A2ML1: variants seen among roughly 807,000 people sequenced by gnomAD.
The protein encoded by A2ML1 is alpha-2-macroglobulin-like protein 1.
A neutral mutation model predicts 181.9 loss-of-function variants in A2ML1; 161 were observed. The observed-to-expected ratio is 0.89, with a 90% CI of 0.78 to 1.01. The LOEUF is 1.01. Among genes scored for constraint, A2ML1 ranks in the 50% least tolerant of loss-of-function variants. The probability of loss-of-function intolerance (pLI) is 0.00; values close to 1 mark genes in which losing one functional copy is unlikely to be tolerated. For synonymous variants in A2ML1, 663 were observed against 666.8 expected (o/e 0.99, Z 0.09); for missense variants, 1,670 against 1,768.1 (o/e 0.94, Z 1.00).
intron 10 of A2ML1, among the ~76,000 whole-genome samples, chr12:8,839,961 G>A (rs1382800595): frequency 6.6e-6 from 1 of 152,038 alleles, no homozygotes; most frequent in Non-Finnish European, 1.5e-5. Flanking sequence ...TGGTCAGGCT[G>A]GTCTTGAACT....
intron 29 of A2ML1, among the ~76,000 whole-genome samples, 186 bp downstream of exon 29, chr12:8,864,194 A>C (rs1439851881): frequency 8.1e-5 from 2 of 24,662 alleles, no homozygotes; most frequent in African/African-American, 1.2e-4. Flanking sequence ...AGATGTATTT[A>C]ATTTTCTTTT....
chr12:8,841,495 T>C lies in A2ML1; in HGVS notation c.1207T>C (p.Leu403=), dbSNP rs760144786. The change falls in exon 11 of 36, where the codon TTG becomes CTG. Residue 403 remains leucine (L), a synonymous_variant. Transcript: ENST00000299698. The part of the protein sequence containing the change: ...TDNNGLAPFT[L]ETSGWNGTDV... ...TAACAATGGCCTAGCTCCCTTTACC[T>C]TGGAGACATCCGGTTGGAATGGGAC... is the stretch of plus-strand genomic sequence containing the variant. The C allele has an allele frequency of 1.9e-6, 3 of 1,614,122 alleles. No individual in the cohort carries two copies. The South Asian group carries it at 3.3e-5, about 18-fold the overall frequency.
chr12:8,860,873 G>GC lies in A2ML1; in HGVS notation c.3265-6dup. ...GCCCTGACTCACTGCCTCCCTGTTTGCCTCTAGGGTGGTGTTGATGATGAG... is the reference window on the plus strand; with the variant it reads ...GCCCTGACTCACTGCCTCCCTGTTTGCCCTCTAGGGTGGTGTTGATGATGAG... On this transcript the variant is annotated splice_polypyrimidine_tract_variant and splice_region_variant and intron_variant, in intron 26 of 35. Coordinates refer to ENST00000299698, the MANE Select transcript of A2ML1 (RefSeq NM_144670.6). 6.2e-7 allele frequency: 1 copy of GC among 1,613,966 alleles called. No individual in the cohort carries two copies. Among genetic ancestry groups the GC allele is most frequent in the Non-Finnish European group, 8.5e-7 (1 of 1,179,966 alleles).
At chr12:8,863,271 T>G (rs1018504266) in intron 28 of A2ML1, among the ~76,000 whole-genome samples, 14 of 152,006 alleles carry the variant, frequency 9.2e-5, no homozygotes, top group African/African-American at 3.4e-4. Flanking sequence ...CACGCCTGGC[T>G]AATTTTGTAT....
chr12:8,855,052 G>A (rs764343487), intron 22 of A2ML1, among the ~76,000 whole-genome samples: 37 of 152,158 alleles, frequency 2.4e-4, no homozygotes, highest in African/African-American at 8.9e-4. Flanking sequence ...ATGCCACCAT[G>A]CCTGGCTAAT....
At chr12:8,829,813 G>T in intron 4 of A2ML1, 34 bp downstream of exon 4, 1 of 1,613,084 alleles carries the variant, frequency 6.2e-7, no homozygotes, top group Non-Finnish European at 8.5e-7. Context: ...GTGGCGCAGG[G>T]AGAACAGGGA....
chr12:8,836,480 C>T (rs1288981440), intron 7 of A2ML1, 141 bp downstream of exon 7: 5 of 528,454 alleles, frequency 9.5e-6, no homozygotes, highest in Non-Finnish European at 1.6e-5. Context: ...TTATCCAAGA[C>T]CTTTTTTTTT....
At chr12:8,858,142 C>G (rs375930372) in intron 26 of A2ML1, 40 bp downstream of exon 26, 4 of 1,597,918 alleles carry the variant, frequency 2.5e-6, no homozygotes, top group Non-Finnish European at 3.4e-6. Context: ...ACCACTGTCT[C>G]GAAGGACCCC....
Position 8,869,169 on chromosome 12 carries a change from T to G in A2ML1, c.4187T>G (p.Phe1396Cys), listed in dbSNP as rs781733365. The G allele has an allele frequency of 6.2e-7, 1 of 1,614,114 alleles. No homozygotes were observed. Among genetic ancestry groups the G allele is most frequent in the Non-Finnish European group, 8.5e-7 (1 of 1,180,034 alleles). Residue 1396 changes from phenylalanine to cysteine, a missense_variant, in exon 33 of 36, where the codon TTT becomes TGT. Physicochemically the swap from Phe to Cys is radical, Grantham distance 205. Coordinates refer to ENST00000299698, the MANE Select transcript of A2ML1 (RefSeq NM_144670.6). The part of the protein sequence containing the change: ...LQQPLVKKVE[F>C]GTDTLNIYLD... ...CAACCCCTGGTGAAGAAGGTTGAATTTGGAACTGACACACTTAACATTTAC... is the reference window on the plus strand; with the variant it reads ...CAACCCCTGGTGAAGAAGGTTGAATGTGGAACTGACACACTTAACATTTAC...
At chr12:8,844,473 A>C (rs990256731) in intron 12 of A2ML1, among the ~76,000 whole-genome samples, 2 of 152,242 alleles carry the variant, frequency 1.3e-5, no homozygotes, top group African/African-American at 4.8e-5. Context: ...ATTCACATCG[A>C]TAGCAGCCTC....
chr12:8,838,640 TG>T (rs1188582623), intron 9 of A2ML1, among the ~76,000 whole-genome samples, 190 bp downstream of exon 9: 1 of 152,006 alleles, frequency 6.6e-6, no homozygotes. Context: ...GGGCCGGGCA[TG>T]GTGGCTCACG....
chr12:8,836,401 G>T, intron 7 of A2ML1, 62 bp downstream of exon 7: 1 of 1,407,142 alleles, frequency 7.1e-7, no homozygotes, highest in Non-Finnish European at 1.0e-6. Flanking sequence ...ATGATGAGGG[G>T]ATGACATGGG....
At chr12:8,834,885 T>C in intron 5 of A2ML1, 1 of 598,196 alleles carries the variant, frequency 1.7e-6, no homozygotes, top group South Asian at 2.1e-5. Context: ...TACATTTCAG[T>C]AGACAAGGAC....
chr12:8,868,449 T>TAC (rs1324451072), intron 31 of A2ML1, 88 bp from the exon 32 acceptor site: 1 of 1,491,000 alleles, frequency 6.7e-7, no homozygotes, highest in Non-Finnish European at 8.9e-7. Flanking sequence ...TGTGTATGTG[T>TAC]GTGTGTACGT....
chr12:8,828,381 C>G (rs976278205), intron 3 of A2ML1, among the ~76,000 whole-genome samples: 1 of 152,162 alleles, frequency 6.6e-6, no homozygotes, highest in Non-Finnish European at 1.5e-5. Context: ...GTGGCCACCA[C>G]TACTCCAGGC....
intron 33 of A2ML1, among the ~76,000 whole-genome samples, chr12:8,870,156 T>G (rs1944569302): frequency 6.6e-6 from 1 of 152,200 alleles, no homozygotes; most frequent in African/African-American, 2.4e-5. Flanking sequence ...ATACTGTTGT[T>G]AGTAACATCC....
chr12:8,825,715 G>T (rs1942906744), intron 3 of A2ML1, among the ~76,000 whole-genome samples: 1 of 145,466 alleles, frequency 6.9e-6, no homozygotes, highest in Non-Finnish European at 1.6e-5. Flanking sequence ...ATATATAATA[G>T]TTTCATAGAT....
chr12:8,859,300 A>T (rs994871028), intron 26 of A2ML1, among the ~76,000 whole-genome samples: 6 of 152,146 alleles, frequency 3.9e-5, no homozygotes, highest in Non-Finnish European at 8.8e-5. Flanking sequence ...TGTTAAAAAA[A>T]AAATCTATTT....
intron 12 of A2ML1, among the ~76,000 whole-genome samples, chr12:8,843,721 C>CTTTTTTTTTTTT (rs756360339): frequency 7.5e-6 from 1 of 133,608 alleles, no homozygotes; most frequent in Non-Finnish European, 1.6e-5. Flanking sequence ...CTTTTTTTTT[C>CTTTTTTTTTTTT]TTTTTTTTTT....
Sources: gnomAD v4.1 joint callset for allele counts (sites outside exome capture counted in the v4.1 genomes callset) on GRCh38, gnomAD v4.1.1 for gene constraint, MANE v1.5 for transcripts, NCBI Gene and HGNC (gene_info 2026-07-23, HGNC 2026-07-21) for gene names.